The following ATP6V1C2 variants were observed in gnomAD, a reference collection of about 807,000 sequenced individuals.
ATP6V1C2 encodes ATPase H+ transporting V1 subunit C2.
In ATP6V1C2, 45 loss-of-function variants were observed where a neutral mutation model predicts 56.8. The ratio of observed to expected loss-of-function variants is 0.79; its 90% confidence interval spans 0.62 to 1.02. The LOEUF (loss-of-function observed/expected upper bound fraction) is 1.02, where lower values mean the gene tolerates loss of function less well. Among genes scored for constraint, ATP6V1C2 ranks in the 50% least tolerant of loss-of-function variants. The pLI is 0.00. For synonymous variants in ATP6V1C2, 220 were observed against 201.3 expected (o/e 1.09, Z -0.79); for missense variants, 463 against 519.7 (o/e 0.89, Z 1.06).
At chr2:10,734,353 G>A (rs906753653) in intron 3 of ATP6V1C2, among the ~76,000 whole-genome samples, 4 of 152,066 alleles carry the variant, frequency 2.6e-5, no homozygotes, top group African/African-American at 4.8e-5. Flanking sequence ...TAACACACCC[G>A]GTGCTCCCCT....
At chr2:10,782,168 T>C in intron 12 of ATP6V1C2, 75 bp from the exon 13 acceptor site, 2 of 1,553,866 alleles carry the variant, frequency 1.3e-6, no homozygotes, top group Non-Finnish European at 1.8e-6. Context: ...CGGAATGTAC[T>C]GTTTCTGGTC....
intron 12 of ATP6V1C2, among the ~76,000 whole-genome samples, chr2:10,779,221 C>T (rs1342034487): frequency 6.6e-6 from 1 of 151,630 alleles, no homozygotes; most frequent in Non-Finnish European, 1.5e-5. Context: ...TCTCCTGTCT[C>T]AGCCTCCCTA....
At chr2:10,742,859 G>T (rs1487344657) in intron 3 of ATP6V1C2, among the ~76,000 whole-genome samples, 2 of 152,142 alleles carry the variant, frequency 1.3e-5, no homozygotes, top group Non-Finnish European at 2.9e-5. Flanking sequence ...AAGCTCCTGG[G>T]CGGCCCCTTC....
Position 10,761,563 on chromosome 2 carries a change from C to A in ATP6V1C2, c.284-2768C>A, listed in dbSNP as rs373222744. ...AACTAATACCAATGTCTGAGTCAGC[C>A]TGGACTGCTGTCACAAAATACCACT... On this transcript the variant is annotated intron_variant, in intron 4 of 13. Coordinates refer to ENST00000272238, the MANE Select transcript of ATP6V1C2 (RefSeq NM_001039362.2). 6.8e-4 allele frequency among the ~76,000 whole-genome samples: 104 copies of A among 152,310 alleles called. 1 individual carries two copies. The South Asian group carries it at 0.022, about 32-fold the overall frequency.
intron 2 of ATP6V1C2, among the ~76,000 whole-genome samples, chr2:10,724,141 C>T (rs955239963): frequency 2.0e-5 from 3 of 152,198 alleles, no homozygotes; most frequent in Admixed American, 6.5e-5. Context: ...GAAGACACTA[C>T]AGCTTTCTCC....
intron 5 of ATP6V1C2, among the ~76,000 whole-genome samples, chr2:10,767,150 ATTT>A (rs1472328796): frequency 3.2e-5 from 4 of 126,354 alleles, no homozygotes; most frequent in African/African-American, 1.1e-4. Context: ...TTTAATTATC[ATTT>A]TTTATCTTTT....
intron 4 of ATP6V1C2, among the ~76,000 whole-genome samples, chr2:10,761,998 C>T (rs1287405037): frequency 6.6e-6 from 1 of 152,236 alleles, no homozygotes; most frequent in Admixed American, 6.5e-5. Context: ...GGAGGGGAGC[C>T]GTGGCCCTGC....
intron 4 of ATP6V1C2, among the ~76,000 whole-genome samples, chr2:10,755,586 T>TG (rs1663504299): frequency 6.6e-6 from 1 of 152,152 alleles, no homozygotes; most frequent in African/African-American, 2.4e-5. Flanking sequence ...GCTGGTGAAC[T>TG]CCTCAGAGTG....
intron 5 of ATP6V1C2, among the ~76,000 whole-genome samples, chr2:10,767,099 G>A (rs1387785140): frequency 7.0e-6 from 1 of 142,824 alleles, no homozygotes; most frequent in East Asian, 2.1e-4. Flanking sequence ...AAAACATTTA[G>A]TTTTTATCTT....
chr2:10,721,020 C>CCA (rs1661330645), upstream of ATP6V1C2: 1 of 152,518 alleles, frequency 6.6e-6, no homozygotes, highest in Admixed American at 6.5e-5. Flanking sequence ...CGCCCCCCCA[C>CCA]CCCCCATCCA....
intron 4 of ATP6V1C2, 104 bp from the exon 5 acceptor site, chr2:10,764,227 G>A: frequency 9.7e-7 from 1 of 1,025,772 alleles, no homozygotes; most frequent in Non-Finnish European, 1.5e-6. Flanking sequence ...TGCCCATGAT[G>A]GCTGCCTTCG....
intron 3 of ATP6V1C2, among the ~76,000 whole-genome samples, chr2:10,750,319 C>T (rs1016433799): frequency 6.6e-6 from 1 of 152,072 alleles, no homozygotes; most frequent in African/African-American, 2.4e-5. Flanking sequence ...GGGTTTGAGA[C>T]CAGGCTGGGC....
At chr2:10,781,233 C>A (rs1383296300) in intron 12 of ATP6V1C2, among the ~76,000 whole-genome samples, 1 of 152,192 alleles carries the variant, frequency 6.6e-6, no homozygotes, top group Non-Finnish European at 1.5e-5. Flanking sequence ...TCCCTCAAGC[C>A]AGGCTGCTGG....
intron 11 of ATP6V1C2, 89 bp downstream of exon 11, chr2:10,777,811 TTC>T: frequency 6.7e-7 from 1 of 1,486,126 alleles, no homozygotes; most frequent in Non-Finnish European, 9.0e-7. Flanking sequence ...CCTTGCATTT[TTC>T]TGTTCTCTAA....
chr2:10,762,388 C>T (rs1663964600), intron 4 of ATP6V1C2, among the ~76,000 whole-genome samples: 1 of 152,124 alleles, frequency 6.6e-6, no homozygotes. Flanking sequence ...TCGTGATCCA[C>T]CTGCTTCAGC....
chr2:10,737,801 C>T (rs562063775), intron 3 of ATP6V1C2, among the ~76,000 whole-genome samples: 1 of 152,286 alleles, frequency 6.6e-6, no homozygotes, highest in African/African-American at 2.4e-5. Context: ...TCAAGCGATT[C>T]TCCTGCCTCA....
In ATP6V1C2 at chr2:10,778,327, G is replaced by A. The variant is rs534381560; in HGVS notation, c.964-245G>A. On this transcript the variant is annotated intron_variant, in intron 11 of 13. Transcript: ENST00000272238. ...GGTCAGGGGCTGCCCAGCTCCCCGC[G>A]CTGCGGTCTGTGGTGGCCCCGTGCA... Among the ~76,000 whole-genome samples, 5 of 152,306 alleles carry A rather than the reference G, an allele frequency of 3.3e-5. No individual in the cohort carries two copies. In the South Asian group the frequency reaches 6.2e-4, roughly 19 times the overall value.
chr2:10,777,692 C>CAGAG lies in ATP6V1C2; in HGVS notation c.944_947dup (p.Ser316ArgfsTer3). The CAGAG allele has an allele frequency of 1.3e-6, 2 of 1,597,814 alleles. No individual in the cohort carries two copies. The highest frequency in any genetic ancestry group is 1.1e-5 in the South Asian group (1 of 90,024). On this transcript the variant is annotated frameshift_variant, in exon 11 of 14. Transcript: ENST00000272238. LOFTEE classifies it high-confidence loss of function. ...ATAGGCCTGCTGCGGGGCAGACCGA[C>CAGAG]AGAGAGAGAGAGAGTGAGGGCGAGG...
intron 3 of ATP6V1C2, among the ~76,000 whole-genome samples, chr2:10,733,210 C>G (rs1473930615): frequency 6.6e-6 from 1 of 152,084 alleles, no homozygotes; most frequent in Non-Finnish European, 1.5e-5. Flanking sequence ...CTAATCTTAG[C>G]TTTTTTCTAG....
Sources: gnomAD v4.1 joint callset for allele counts (sites outside exome capture counted in the v4.1 genomes callset) on GRCh38, gnomAD v4.1.1 for gene constraint, MANE v1.5 for transcripts, NCBI Gene and HGNC (gene_info 2026-07-23, HGNC 2026-07-21) for gene names.